The following SAMD7 variants were observed in gnomAD, a reference collection of about 807,000 sequenced individuals.
SAMD7 encodes the protein sterile alpha motif domain containing 7.
SAMD7 carries 34 observed loss-of-function variants against 36.7 expected under a neutral mutation model. The ratio of observed to expected loss-of-function variants is 0.93; its 90% CI spans 0.71 to 1.23. The LOEUF (loss-of-function observed/expected upper bound fraction) is 1.23. SAMD7 is among the 50% of genes most tolerant of loss of function. SAMD7 has a pLI of 0.00. For synonymous variants in SAMD7, 188 were observed against 189.7 expected (o/e 0.99, Z 0.07); for missense variants, 570 against 546.6 (o/e 1.04, Z -0.43).
In SAMD7 at chr3:169,938,414, G is replaced by A. The variant is rs754844902; in HGVS notation, c.1249G>A (p.Asp417Asn). The change falls in exon 9 of 9, where the codon GAT (aspartate) becomes AAT (asparagine). Residue 417 changes from aspartate (D) to asparagine (N), a missense_variant. Physicochemically the swap from Asp to Asn is conservative, Grantham distance 23. Transcript: ENST00000335556. ...ACCAGCAGATACATCCCCTCTTCTG[G>A]ATCCTAATTCCTGGAGTGATACAAT... ...DQPADTSPLLDPNSWSDTMNI... is the reference protein window; with the variant it reads ...DQPADTSPLLNPNSWSDTMNI... The A allele has an allele frequency of 2.1e-5, 34 of 1,611,802 alleles. No individual in the cohort carries two copies. The highest frequency in any genetic ancestry group is 2.7e-5 in the Non-Finnish European group (32 of 1,178,046).
chr3:169,930,455 G>T (rs1713438186), intron 7 of SAMD7, among the ~76,000 whole-genome samples: 1 of 152,138 alleles, frequency 6.6e-6, no homozygotes, highest in South Asian at 2.1e-4. Context: ...TACAGAAATG[G>T]GGAGATGCCC....
chr3:169,928,324 C>T, intron 6 of SAMD7, 133 bp from the exon 7 acceptor site: 1 of 624,524 alleles, frequency 1.6e-6, no homozygotes, highest in South Asian at 2.6e-5. Context: ...GAAAACATCT[C>T]CTAGTAATTC....
intron 7 of SAMD7, among the ~76,000 whole-genome samples, chr3:169,931,463 T>C (rs1713491634): frequency 6.6e-6 from 1 of 151,830 alleles, no homozygotes; most frequent in Non-Finnish European, 1.5e-5. Context: ...GCTCACAAAT[T>C]GTCAGGTGCA....
At chr3:169,920,240 C>A (rs1200146709) in intron 3 of SAMD7, among the ~76,000 whole-genome samples, 2 of 152,148 alleles carry the variant, frequency 1.3e-5, no homozygotes, top group East Asian at 3.9e-4. Context: ...AACAACGGAA[C>A]TTTATTTCAT....
intron 8 of SAMD7, among the ~76,000 whole-genome samples, chr3:169,937,724 T>C (rs1034914185): frequency 6.6e-6 from 1 of 152,268 alleles, no homozygotes; most frequent in African/African-American, 2.4e-5. Flanking sequence ...AACATATGTG[T>C]GCATTTATCT....
At chr3:169,925,621 G>T (rs1384867967) in intron 5 of SAMD7, among the ~76,000 whole-genome samples, 1 of 152,186 alleles carries the variant, frequency 6.6e-6, no homozygotes, top group Non-Finnish European at 1.5e-5. Context: ...CAGCTACTCA[G>T]GAGGCTGAGG....
At chr3:169,926,307 T>G (rs982875509) in intron 5 of SAMD7, 2 of 1,394,760 alleles carry the variant, frequency 1.4e-6, no homozygotes, top group African/African-American at 2.9e-5. Flanking sequence ...CCTGCTAAAT[T>G]TGCCTCGTCT....
Position 169,928,555 on chromosome 3 carries a change from C to T in SAMD7, c.1018C>T (p.Pro340Ser), listed in dbSNP as rs1454603237. Reference sequence around the variant, plus strand: ...TGTGCACAGCTTCATTCGCAGCCTTCCAGGTTGTTCAGACTATGCTCAGGT... The same window carrying T: ...TGTGCACAGCTTCATTCGCAGCCTTTCAGGTTGTTCAGACTATGCTCAGGT... ...DDVHSFIRSL[P>S]GCSDYAQVFK... Residue 340 changes from proline (P) to serine (S), a missense_variant, in exon 7 of 9, where the codon CCA (proline) becomes TCA (serine). Transcript: ENST00000335556. 2 of 1,613,974 alleles carry T rather than the reference C, an allele frequency of 1.2e-6. No homozygotes were observed. Among genetic ancestry groups the T allele is most frequent in the Non-Finnish European group, 1.7e-6 (2 of 1,179,878 alleles).
chr3:169,938,056 CT>C (rs1373688965), intron 8 of SAMD7, among the ~76,000 whole-genome samples: 1 of 152,258 alleles, frequency 6.6e-6, no homozygotes, highest in Non-Finnish European at 1.5e-5. Context: ...TCACCATCTA[CT>C]TTTCTCCCCC....
chr3:169,925,008 G>A (rs1576831871), intron 4 of SAMD7, 50 bp from the exon 5 acceptor site: 1 of 1,033,354 alleles, frequency 9.7e-7, no homozygotes, highest in Non-Finnish European at 1.5e-6. Context: ...ATTTTCAAAT[G>A]CATGTTTTTA....
At position 169,926,586 on chromosome 3, in the gene SAMD7, A is replaced by C; in HGVS notation, c.324A>C (p.Gln108His). The change falls in exon 6 of 9, where the codon CAA becomes CAC. Residue 108 changes from glutamine to histidine, a missense_variant. Coordinates refer to ENST00000335556, the MANE Select transcript of SAMD7 (RefSeq NM_001304366.2). ...TEMEMYAIYQQRRMEKINPKG... is the reference protein window; with the variant it reads ...TEMEMYAIYQHRRMEKINPKG... ...TGGAAATGTATGCTATTTACCAGCAAAGGAGAATGGAAAAAATTAATCCCA... is the reference window on the plus strand; with the variant it reads ...TGGAAATGTATGCTATTTACCAGCACAGGAGAATGGAAAAAATTAATCCCA... 6.2e-7 allele frequency: 1 copy of C among 1,612,550 alleles called. No individual in the cohort carries two copies. Among genetic ancestry groups the C allele is most frequent in the South Asian group, 1.1e-5 (1 of 90,998 alleles).
chr3:169,932,319 A>G (rs1022589859), intron 7 of SAMD7: 1 of 720,810 alleles, frequency 1.4e-6, no homozygotes, highest in Non-Finnish European at 2.5e-6. Flanking sequence ...TGGGTTATAA[A>G]GGGACACAGC....
At chr3:169,921,173 C>A in intron 3 of SAMD7, 41 bp from the exon 4 acceptor site, 1 of 1,596,676 alleles carries the variant, frequency 6.3e-7, no homozygotes, top group Non-Finnish European at 8.6e-7. Context: ...TGTACTCCAA[C>A]CTCATTTTAC....
At chr3:169,928,321 TCTC>T in intron 6 of SAMD7, 133 bp from the exon 7 acceptor site, 3 of 617,138 alleles carry the variant, frequency 4.9e-6, no homozygotes, top group Non-Finnish European at 5.6e-6. Context: ...TTAGAAAACA[TCTC>T]CTAGTAATTC....
intron 2 of SAMD7, among the ~76,000 whole-genome samples, chr3:169,916,467 G>A (rs533034862): frequency 5.3e-4 from 80 of 152,222 alleles, no homozygotes; most frequent in Admixed American, 3.1e-3. Context: ...CCAACATGGC[G>A]AAACCCTGTT....
intron 2 of SAMD7, among the ~76,000 whole-genome samples, chr3:169,915,647 C>A (rs59547352): frequency 1.6e-5 from 2 of 128,720 alleles, no homozygotes; most frequent in Non-Finnish European, 3.1e-5. Context: ...TGCAGCGGTG[C>A]GATCTTGGCT....
At chr3:169,918,395 T>C (rs1225327205) in intron 2 of SAMD7, among the ~76,000 whole-genome samples, 2 of 152,182 alleles carry the variant, frequency 1.3e-5, no homozygotes, top group African/African-American at 4.8e-5. Flanking sequence ...CCATCCCAGG[T>C]AACCATTGTT....
chr3:169,933,888 T>C (rs1302887219), intron 7 of SAMD7, among the ~76,000 whole-genome samples: 1 of 152,202 alleles, frequency 6.6e-6, no homozygotes, highest in African/African-American at 2.4e-5. Flanking sequence ...TATGAGGGAC[T>C]CTTGGCCTCC....
At chr3:169,922,279 T>C (rs915932001) in intron 4 of SAMD7, among the ~76,000 whole-genome samples, 1 of 151,648 alleles carries the variant, frequency 6.6e-6, no homozygotes, top group Admixed American at 6.6e-5. Context: ...ATGGAGAGAG[T>C]GCAGATAGAA....
Sources: allele counts gnomAD v4.1 joint callset (sites outside exome capture counted in the v4.1 genomes callset), GRCh38; gene constraint gnomAD v4.1.1; transcripts MANE v1.5; gene names NCBI Gene and HGNC (gene_info 2026-07-23, HGNC 2026-07-21).